The following GSK3B variants were observed in gnomAD, a reference collection of about 807,000 sequenced individuals.
GSK3B encodes the protein glycogen synthase kinase 3 beta, also known as glycogen synthase kinase-3 beta.
GSK3B carries 15 observed loss-of-function variants against 56.4 expected under a neutral mutation model. The ratio of observed to expected loss-of-function variants is 0.27; its 90% CI spans 0.18 to 0.41. GSK3B has a LOEUF of 0.41. Ranked by LOEUF, GSK3B falls within the 10% of genes least tolerant of loss-of-function variation. GSK3B has a pLI of 1.00. For synonymous variants in GSK3B, 181 were observed against 188.9 expected (o/e 0.96, Z 0.34); for missense variants, 300 against 513.4 (o/e 0.58, Z 4.02).
chr3:120,079,100 C>T (rs574950199), intron 1 of GSK3B, among the ~76,000 whole-genome samples: 12 of 151,080 alleles, frequency 7.9e-5, no homozygotes, highest in African/African-American at 2.7e-4. Flanking sequence ...CACCACCATG[C>T]CCAGCTAATT....
intron 9 of GSK3B, among the ~76,000 whole-genome samples, chr3:119,859,183 A>AT (rs1372872983): frequency 1.2e-5 from 1 of 83,938 alleles, no homozygotes; most frequent in Middle Eastern, 4.7e-3. Flanking sequence ...ATTTGTGTAT[A>AT]TAAAAAAAAA....
At chr3:119,826,909 G>A in intron 10 of GSK3B, 54 bp from the exon 11 acceptor site, 1 of 1,074,708 alleles carries the variant, frequency 9.3e-7, no homozygotes. Flanking sequence ...AACAACAAAA[G>A]AGAACAAGTA....
chr3:119,880,467 C>T (rs1258622448), intron 7 of GSK3B, among the ~76,000 whole-genome samples: 3 of 151,810 alleles, frequency 2.0e-5, no homozygotes, highest in Non-Finnish European at 4.4e-5. Flanking sequence ...TGATGTGGTC[C>T]CTATGTGTAG....
intron 1 of GSK3B, among the ~76,000 whole-genome samples, chr3:120,055,959 C>T (rs1471534140): frequency 6.6e-6 from 1 of 152,114 alleles, no homozygotes; most frequent in Non-Finnish European, 1.5e-5. Flanking sequence ...ATTCAGAAGC[C>T]CACAAAGCCA....
chr3:120,026,931 C>T (rs1229741347), intron 1 of GSK3B, among the ~76,000 whole-genome samples: 2 of 151,596 alleles, frequency 1.3e-5, no homozygotes, highest in East Asian at 2.0e-4. Context: ...ATTAGCCAGG[C>T]GTGGTGTCAT....
rs138398832 is a variant in GSK3B, at chr3:119,883,391, T to C, written c.814-6883A>G. On this transcript the variant is annotated intron_variant, in intron 7 of 10. Transcript: ENST00000264235. The stretch of plus-strand genomic sequence containing the variant: ...TAAAACAAAACATTAGGGAGCAATT[T>C]AAAAATGCCTACTATCCTTAGACGT... Among the ~76,000 whole-genome samples, 28 of 152,188 alleles carry C rather than the reference T, an allele frequency of 1.8e-4. No individual in the cohort carries two copies. In the East Asian group the frequency reaches 5.2e-3, roughly 28 times the overall value.
chr3:119,863,945 C>T (rs2056143123), intron 8 of GSK3B, among the ~76,000 whole-genome samples: 1 of 152,142 alleles, frequency 6.6e-6, no homozygotes, highest in East Asian at 1.9e-4. Flanking sequence ...GTTTTCACTG[C>T]TATGGCAGTA....
intron 1 of GSK3B, among the ~76,000 whole-genome samples, chr3:120,092,479 G>C (rs2058521209): frequency 6.6e-6 from 1 of 152,128 alleles, no homozygotes; most frequent in Admixed American, 6.5e-5. Flanking sequence ...GAATGCAGTA[G>C]CACTCCAAAA....
chr3:119,978,593 G>A (rs1025462107), intron 2 of GSK3B, among the ~76,000 whole-genome samples: 1 of 152,182 alleles, frequency 6.6e-6, no homozygotes, highest in African/African-American at 2.4e-5. Flanking sequence ...CTCATCTTGA[G>A]TTAATTCCTG....
intron 1 of GSK3B, among the ~76,000 whole-genome samples, chr3:120,079,541 C>A (rs1416532780): frequency 6.6e-6 from 1 of 151,956 alleles, no homozygotes; most frequent in East Asian, 1.9e-4. Flanking sequence ...ATTACAGGCA[C>A]CTGCCACCGT....
At chr3:120,033,791 C>G (rs2057998802) in intron 1 of GSK3B, among the ~76,000 whole-genome samples, 1 of 151,930 alleles carries the variant, frequency 6.6e-6, no homozygotes, top group African/African-American at 2.4e-5. Context: ...CTCGCTCGCT[C>G]TCTCTCTCTC....
chr3:119,919,186 C>A (rs1205769243), intron 4 of GSK3B, among the ~76,000 whole-genome samples: 4 of 152,092 alleles, frequency 2.6e-5, no homozygotes, highest in Admixed American at 2.6e-4. Context: ...AGAAAATACT[C>A]AACTCTCCCA....
At chr3:120,005,420 C>G (rs1232032564) in intron 1 of GSK3B, among the ~76,000 whole-genome samples, 1 of 152,086 alleles carries the variant, frequency 6.6e-6, no homozygotes, top group East Asian at 1.9e-4. Context: ...TCAGGAAATA[C>G]AGAGACCACC....
chr3:120,025,740 C>A (rs1365727621), intron 1 of GSK3B, among the ~76,000 whole-genome samples: 1 of 152,088 alleles, frequency 6.6e-6, no homozygotes, highest in Non-Finnish European at 1.5e-5. Flanking sequence ...AAATTAGTCA[C>A]CTAAAAGTTA....
intron 2 of GSK3B, among the ~76,000 whole-genome samples, chr3:119,993,135 G>C (rs541612849): frequency 1.4e-5 from 2 of 144,560 alleles, no homozygotes; most frequent in African/African-American, 5.4e-5. Flanking sequence ...GCTACCTCCT[G>C]TGTAAGGAAG....
At chr3:120,015,678 A>C (rs953175378) in intron 1 of GSK3B, among the ~76,000 whole-genome samples, 33 of 141,542 alleles carry the variant, frequency 2.3e-4, no homozygotes, top group Admixed American at 2.3e-3. Context: ...AAAAAAAAAA[A>C]ACTAGACATT....
chr3:119,973,376 A>G (rs1031504142), intron 2 of GSK3B, among the ~76,000 whole-genome samples: 3 of 152,222 alleles, frequency 2.0e-5, no homozygotes, highest in Admixed American at 2.0e-4. Context: ...CTATTTGTCC[A>G]GCACATCCAC....
At chr3:120,009,736 G>C (rs1411700875) in intron 1 of GSK3B, among the ~76,000 whole-genome samples, 1 of 152,090 alleles carries the variant, frequency 6.6e-6, no homozygotes, top group East Asian at 1.9e-4. Flanking sequence ...AATACCTAAT[G>C]TAGATGACGG....
At chr3:119,859,024 A>G (rs11914561) in intron 9 of GSK3B, among the ~76,000 whole-genome samples, 13,889 of 152,178 alleles carry the variant, frequency 0.091, 786 homozygotes, top group Non-Finnish European at 0.12. Context: ...GGATGTAATA[A>G]CAATGAAAAA....
Sources: gnomAD v4.1 joint callset for allele counts (sites outside exome capture counted in the v4.1 genomes callset) on GRCh38, gnomAD v4.1.1 for gene constraint, MANE v1.5 for transcripts, NCBI Gene and HGNC (gene_info 2026-07-23, HGNC 2026-07-21) for gene names.